Variants in VWDE observed in about 807,000 individuals in gnomAD.
VWDE encodes von Willebrand factor D and EGF domains.
In VWDE, 207 loss-of-function variants were observed where a neutral mutation model predicts 178.4. The observed-to-expected ratio is 1.16, with a 90% confidence interval of 1.04 to 1.30. The LOEUF (loss-of-function observed/expected upper bound fraction) is 1.30, where lower values mean the gene tolerates loss of function less well. Ranked by LOEUF, VWDE falls within the 50% of genes most tolerant of loss-of-function variation. VWDE has a pLI of 0.00. For missense variants in VWDE, 2,287 were observed against 1,901.3 expected (o/e 1.20, Z -3.77); for synonymous variants, 738 against 651.4 (o/e 1.13, Z -2.02).
rs1000245918 is a variant in VWDE at position 12,357,347 on chromosome 7, C to T, written c.3443G>A (p.Trp1148Ter). 1.2e-5 allele frequency: 19 copies of T among 1,551,794 alleles called. No individual in the cohort carries two copies. In the African/African-American group the frequency reaches 2.5e-4, roughly 20 times the overall value. ...ASVSSAGLFM[W>*]KTDLLTTQQI... is the part of the protein sequence containing the mutation. ...TTGGGTAGTTAGTAAATCTGTTTTC[C>T]ACATAAAAAGCCCTGCAGAGGAAAC... The change falls in exon 17 of 29, where the codon TGG (tryptophan) becomes TAG (stop). Residue 1148 changes from tryptophan to a stop codon, truncating the protein, a stop_gained. Transcript: ENST00000275358. LOFTEE classifies it high-confidence loss of function.
intron 11 of VWDE, 39 bp downstream of exon 11, chr7:12,370,616 TA>T: frequency 1.9e-6 from 3 of 1,542,736 alleles, no homozygotes; most frequent in Non-Finnish European, 2.6e-6. Flanking sequence ...GTTTTAAGTC[TA>T]ATATTAATAT....
At chr7:12,365,004 C>A in intron 13 of VWDE, among the ~76,000 whole-genome samples, 1 of 151,954 alleles carries the variant, frequency 6.6e-6, no homozygotes, top group East Asian at 1.9e-4. Context: ...AGGAACATTC[C>A]ACAAAATAAC....
At chr7:12,396,840 C>T (rs775434502) in intron 1 of VWDE, among the ~76,000 whole-genome samples, 7 of 152,008 alleles carry the variant, frequency 4.6e-5, no homozygotes, top group Non-Finnish European at 8.8e-5. Flanking sequence ...GAGGCTGAGG[C>T]AGGAGAATCA....
Position 12,370,685 on chromosome 7 carries a change from G to T in VWDE, c.1767C>A (p.Asn589Lys). 1 of 1,550,908 alleles carries T rather than the reference G, an allele frequency of 6.4e-7. No homozygotes were observed. The highest frequency in any genetic ancestry group is 8.7e-7 in the Non-Finnish European group (1 of 1,146,612). The change falls in exon 11 of 29, where the codon AAC becomes AAA. Residue 589 changes from asparagine to lysine, a missense_variant. Asn to Lys is a moderately conservative substitution (Grantham distance 94). Coordinates refer to ENST00000275358, the MANE Select transcript of VWDE (RefSeq NM_001135924.3). Reference protein sequence around the residue: ...KNGMQIDQNFNNYVAFINEWR... With the variant: ...KNGMQIDQNFKNYVAFINEWR... ...ATTCATTAATAAAAGCAACATAATT[G>T]TTAAAATTTTGATCAATTTGCATCC...
At chr7:12,386,448 G>T (rs1442107222) in intron 3 of VWDE, among the ~76,000 whole-genome samples, 1 of 152,138 alleles carries the variant, frequency 6.6e-6, no homozygotes, top group Non-Finnish European at 1.5e-5. Flanking sequence ...ACTTCTCATT[G>T]CACACAGAAC....
chr7:12,377,571 A>G (rs1297400924), intron 7 of VWDE: 5 of 373,322 alleles, frequency 1.3e-5, no homozygotes, highest in African/African-American at 2.1e-5. Flanking sequence ...TTTAAAATGT[A>G]TGCTTTCAGC....
At chr7:12,394,220 G>T (rs1316498889) in intron 1 of VWDE, among the ~76,000 whole-genome samples, 1 of 152,128 alleles carries the variant, frequency 6.6e-6, no homozygotes, top group Non-Finnish European at 1.5e-5. Context: ...CCAAATCATG[G>T]AATGCAACAA....
Position 12,367,345 on chromosome 7 carries a change from T to C in VWDE, c.2898+12A>G. 1 of 1,531,716 alleles carries C rather than the reference T, an allele frequency of 6.5e-7. No individual in the cohort carries two copies. The highest frequency in any genetic ancestry group is 1.2e-5 in the South Asian group (1 of 80,060). The allele number at this position is 1,531,716 out of a possible 1,614,324, so 94.9% of individuals were successfully genotyped here. A position where few individuals can be genotyped will look rare whatever the true frequency, so the allele number is the denominator to read the frequency against. On this transcript the variant is annotated intron_variant, in intron 13 of 28. Transcript: ENST00000275358. Reference sequence around the variant, plus strand: ...TACACTCTATTGTTTCTGAACTCTATAATTAACATACCTGTAGCTTAGTAA... The same window carrying C: ...TACACTCTATTGTTTCTGAACTCTACAATTAACATACCTGTAGCTTAGTAA...
chr7:12,369,209 G>A (rs1783019086), intron 12 of VWDE, among the ~76,000 whole-genome samples: 1 of 152,118 alleles, frequency 6.6e-6, no homozygotes, highest in Admixed American at 6.6e-5. Flanking sequence ...TGTGTGTAAA[G>A]GCCCTGAGGT....
intron 1 of VWDE, among the ~76,000 whole-genome samples, chr7:12,397,944 A>G (rs1316943165): frequency 6.6e-6 from 1 of 152,192 alleles, no homozygotes; most frequent in Non-Finnish European, 1.5e-5. Flanking sequence ...AAAAGGGAAC[A>G]TTTATACACT....
chr7:12,381,392 TAGAA>T (rs928340238), intron 4 of VWDE, among the ~76,000 whole-genome samples: 113 of 152,220 alleles, frequency 7.4e-4, no homozygotes, highest in African/African-American at 2.6e-3. Context: ...TGTTCTGTTT[TAGAA>T]AGAGGAAAAA....
chr7:12,346,822 C>A (rs1440036), intron 19 of VWDE, among the ~76,000 whole-genome samples: 3 of 151,780 alleles, frequency 2.0e-5, no homozygotes, highest in African/African-American at 7.3e-5. Context: ...AAGCTCTTCT[C>A]AAAGGTCTTA....
chr7:12,349,726 A>G (rs965132860), intron 19 of VWDE, among the ~76,000 whole-genome samples: 9 of 152,038 alleles, frequency 5.9e-5, no homozygotes, highest in Admixed American at 3.9e-4. Flanking sequence ...ATTATTTGAA[A>G]AAAGAAACCC....
chr7:12,380,459 A>G, intron 5 of VWDE, 27 bp downstream of exon 5: 1 of 1,536,880 alleles, frequency 6.5e-7, no homozygotes, highest in African/African-American at 1.4e-5. Flanking sequence ...ATTCATGAAA[A>G]TAAAATGCAA....
intron 18 of VWDE, among the ~76,000 whole-genome samples, chr7:12,352,684 A>G (rs1782007385): frequency 6.6e-6 from 1 of 152,116 alleles, no homozygotes; most frequent in Non-Finnish European, 1.5e-5. Context: ...TTACCATCCT[A>G]TACTGTGTTG....
intron 3 of VWDE, among the ~76,000 whole-genome samples, chr7:12,388,099 A>C (rs1760578921): frequency 6.6e-6 from 1 of 152,098 alleles, no homozygotes; most frequent in Admixed American, 6.5e-5. Context: ...TTATTTTCTA[A>C]TCTGTGACTG....
At chr7:12,397,442 T>C (rs1250927933) in intron 1 of VWDE, among the ~76,000 whole-genome samples, 1 of 152,164 alleles carries the variant, frequency 6.6e-6, no homozygotes, top group African/African-American at 2.4e-5. Flanking sequence ...AAGATTTAAA[T>C]GTAAGACCTC....
intron 10 of VWDE, among the ~76,000 whole-genome samples, chr7:12,371,283 C>T (rs542729701): frequency 6.6e-6 from 1 of 152,208 alleles, no homozygotes; most frequent in South Asian, 2.1e-4. Flanking sequence ...GTACATGTTC[C>T]CGCAGCTAAT....
At chr7:12,396,164 C>A (rs10085906) in intron 1 of VWDE, among the ~76,000 whole-genome samples, 24,415 of 151,988 alleles carry the variant, frequency 0.16, 2,399 homozygotes, top group African/African-American at 0.27. Flanking sequence ...CAAATAATTT[C>A]CTTTTTTTAT....
Sources: allele counts gnomAD v4.1 joint callset (sites outside exome capture counted in the v4.1 genomes callset), GRCh38; gene constraint gnomAD v4.1.1; transcripts MANE v1.5; gene names NCBI Gene and HGNC (gene_info 2026-07-23, HGNC 2026-07-21).